Variants in NFIC observed in about 807,000 individuals in gnomAD.
The protein encoded by NFIC is nuclear factor 1 C-type.
A neutral mutation model predicts 54.4 loss-of-function variants in NFIC; 12 were observed. The observed-to-expected ratio is 0.22, with a 90% CI of 0.14 to 0.36. NFIC has a LOEUF of 0.36. Ranked by LOEUF, NFIC falls within the 10% of genes least tolerant of loss-of-function variation. The probability of loss-of-function intolerance (pLI) is 1.00; values close to 1 mark genes in which losing one functional copy is unlikely to be tolerated. For synonymous variants in NFIC, 322 were observed against 319.2 expected (o/e 1.01, Z -0.09); for missense variants, 575 against 718.2 (o/e 0.80, Z 2.28).
intron 2 of NFIC, among the ~76,000 whole-genome samples, chr19:3,396,995 G>A (rs936009179): frequency 6.6e-6 from 1 of 152,058 alleles, no homozygotes; most frequent in Non-Finnish European, 1.5e-5. Context: ...CATCATGATC[G>A]GTTGTGTCAT....
At chr19:3,443,290 C>T (rs2082320822) in intron 6 of NFIC, among the ~76,000 whole-genome samples, 2 of 151,966 alleles carry the variant, frequency 1.3e-5, no homozygotes, top group South Asian at 2.1e-4. Flanking sequence ...CATGTGGTGG[C>T]GTGTGCCTGT....
intron 2 of NFIC, among the ~76,000 whole-genome samples, chr19:3,416,079 C>G (rs545329165): frequency 1.3e-5 from 2 of 151,602 alleles, no homozygotes; most frequent in African/African-American, 2.4e-5. Context: ...AAGAGAATCA[C>G]TTGAGCCCAG....
chr19:3,377,550 T>G (rs928872278), intron 1 of NFIC, among the ~76,000 whole-genome samples: 2 of 152,084 alleles, frequency 1.3e-5, no homozygotes, highest in African/African-American at 4.8e-5. Flanking sequence ...TTCTTGTTCC[T>G]TGTATTTATT....
chr19:3,389,779 T>G (rs1018071981), intron 2 of NFIC, among the ~76,000 whole-genome samples: 14 of 152,006 alleles, frequency 9.2e-5, no homozygotes, highest in African/African-American at 3.4e-4. Context: ...GGTCGGGAGT[T>G]CGAGACCAGC....
chr19:3,464,875 G>A lies in NFIC; in HGVS notation c.*2106G>A, dbSNP rs953007391. ...GCGTGGGCCGCTCTCCGGGAGGGCG[G>A]GCGGGGGAGGGGGTGGTCGGGTTGT... On this transcript the variant is annotated 3_prime_UTR_variant, in exon 11 of 11. Coordinates refer to ENST00000443272, the MANE Select transcript of NFIC (RefSeq NM_001245002.2). The A allele has an allele frequency of 9.3e-6, 2 of 215,194 alleles. No individual in the cohort carries two copies. Among genetic ancestry groups the A allele is most frequent in the Non-Finnish European group, 1.6e-5 (2 of 125,884 alleles). The allele number at this position is 215,194 out of a possible 1,614,324, so 13.3% of individuals were successfully genotyped here.
intron 10 of NFIC, among the ~76,000 whole-genome samples, chr19:3,461,239 G>A (rs1182396910): frequency 6.6e-6 from 1 of 150,486 alleles, no homozygotes; most frequent in African/African-American, 2.5e-5. Context: ...TGGTCTACAT[G>A]GCGAAACCCC....
At chr19:3,445,649 A>G (rs1419142004) in intron 6 of NFIC, among the ~76,000 whole-genome samples, 2 of 152,150 alleles carry the variant, frequency 1.3e-5, no homozygotes, top group Non-Finnish European at 2.9e-5. Context: ...ACAAAAGCAG[A>G]TGAAGAGCTG....
At chr19:3,367,447 C>T (rs1279474457) in intron 1 of NFIC, among the ~76,000 whole-genome samples, 1 of 151,722 alleles carries the variant, frequency 6.6e-6, no homozygotes, top group Non-Finnish European at 1.5e-5. Context: ...CTGCGGACGC[C>T]CTCGCCAGCC....
chr19:3,453,829 C>T lies in NFIC; in HGVS notation c.1336C>T (p.Pro446Ser). 6.3e-7 allele frequency: 1 copy of T among 1,596,184 alleles called. No individual in the cohort carries two copies. The highest frequency in any genetic ancestry group is 8.5e-7 in the Non-Finnish European group (1 of 1,172,244). ...TTCTGCTCAGATGCTGGCACCTCCG[C>T]CCCCGGGGCTGCCACGGCTGGCGCT... ...CLSAQMLAPPPPGLPRLALPP... is the reference protein window; with the variant it reads ...CLSAQMLAPPSPGLPRLALPP... The change falls in exon 9 of 11, where the codon CCC becomes TCC. Residue 446 changes from proline to serine, a missense_variant. Physicochemically the swap from Pro to Ser is moderately conservative, Grantham distance 74. Coordinates refer to ENST00000443272, the MANE Select transcript of NFIC (RefSeq NM_001245002.2). The surrounding 1 kb of genome is among the most constrained non-coding windows in gnomAD (Gnocchi z 6.7).
At chr19:3,425,020 G>C (rs532021845) in intron 2 of NFIC, 86 bp from the exon 3 acceptor site, 44 of 1,444,298 alleles carry the variant, frequency 3.0e-5, no homozygotes, top group Non-Finnish European at 4.1e-5. Context: ...CCCAGCCCAG[G>C]ACTGGGGCCA....
chr19:3,445,609 A>C (rs755065933), intron 6 of NFIC, among the ~76,000 whole-genome samples: 4 of 152,186 alleles, frequency 2.6e-5, no homozygotes, highest in Non-Finnish European at 5.9e-5. Flanking sequence ...TGGTGTGTGC[A>C]GGGCCATGGG....
rs757728003 is a variant in NFIC, at chr19:3,382,098, G to C, written c.417G>C (p.Lys139Asn). 1 of 1,613,318 alleles carries C rather than the reference G, an allele frequency of 6.2e-7. No individual in the cohort carries two copies. The highest frequency in any genetic ancestry group is 1.1e-5 in the South Asian group (1 of 91,086). The change falls in exon 2 of 11, where the codon AAG becomes AAC. Residue 139 changes from lysine (K) to asparagine (N), a missense_variant. Physicochemically the swap from Lys to Asn is moderately conservative, Grantham distance 94. This residue lies in a region of NFIC where 447 missense variants were observed against 526.9 expected (regional missense o/e 0.85). Coordinates refer to ENST00000443272, the MANE Select transcript of NFIC (RefSeq NM_001245002.2). ...RLDLVMVILFKGIPLESTDGE... is the reference protein window; with the variant it reads ...RLDLVMVILFNGIPLESTDGE... ...ACCTGGTCATGGTCATCCTGTTCAAGGGCATCCCGCTGGAGAGCACCGACG... is the reference window on the plus strand; with the variant it reads ...ACCTGGTCATGGTCATCCTGTTCAACGGCATCCCGCTGGAGAGCACCGACG...
In NFIC at chr19:3,375,168, A is replaced by G. The variant is rs564303333; in HGVS notation, c.31-6544A>G. On this transcript the variant is annotated intron_variant, in intron 1 of 10. Transcript: ENST00000443272. This position sits in a 1 kb window ranked among gnomAD's most constrained non-coding sequence, Gnocchi z 4.6. ...TGGGGAGAGAAGGAGTTGGGGGGAC[A>G]GTGATCCCTGCCCCCATCATGGATG... Among the ~76,000 whole-genome samples the G allele has an allele frequency of 5.2e-4, 79 of 152,106 alleles. No homozygotes were observed. The highest frequency in any genetic ancestry group is 1.8e-3 in the African/African-American group (76 of 41,490).
intron 2 of NFIC, among the ~76,000 whole-genome samples, chr19:3,388,141 C>A (rs1042757239): frequency 2.0e-5 from 3 of 152,074 alleles, no homozygotes; most frequent in Non-Finnish European, 2.9e-5. Flanking sequence ...AGTCCAGCGC[C>A]GGGAATGGCG....
intron 6 of NFIC, among the ~76,000 whole-genome samples, chr19:3,444,464 A>C (rs1214202876): frequency 2.0e-5 from 3 of 152,248 alleles, no homozygotes; most frequent in Non-Finnish European, 4.4e-5. Flanking sequence ...GAGGTCCCAC[A>C]GGGGTCCCAG....
chr19:3,419,385 G>C (rs1446150083), intron 2 of NFIC, among the ~76,000 whole-genome samples: 1 of 152,010 alleles, frequency 6.6e-6, no homozygotes, highest in East Asian at 1.9e-4. Context: ...GAGGTGGGGG[G>C]ATTGCTGGAG....
intron 6 of NFIC, among the ~76,000 whole-genome samples, chr19:3,438,143 G>A (rs1439583984): frequency 6.6e-6 from 1 of 152,150 alleles, no homozygotes; most frequent in Non-Finnish European, 1.5e-5. Context: ...AGAGGAGAAA[G>A]GTGGAAAATA....
At chr19:3,449,571 C>T (rs921922748) in intron 7 of NFIC, among the ~76,000 whole-genome samples, 2 of 151,868 alleles carry the variant, frequency 1.3e-5, no homozygotes, top group African/African-American at 2.4e-5. Context: ...ACCAGCCTGG[C>T]CAACATGGTG....
chr19:3,372,867 C>T (rs981763644), intron 1 of NFIC, among the ~76,000 whole-genome samples: 2 of 149,704 alleles, frequency 1.3e-5, no homozygotes, highest in African/African-American at 2.5e-5. Flanking sequence ...TTTTTTGAAA[C>T]AGAGTCTCGC....
Sources: allele counts gnomAD v4.1 joint callset (sites outside exome capture counted in the v4.1 genomes callset), GRCh38; gene constraint gnomAD v4.1.1; regional missense constraint gnomAD v4.1.1; non-coding constraint Gnocchi (gnomAD v3.1); transcripts MANE v1.5; gene names NCBI Gene and HGNC (gene_info 2026-07-23, HGNC 2026-07-21).